THSD7B: variants seen among roughly 807,000 people sequenced by gnomAD.
The protein encoded by THSD7B is thrombospondin type-1 domain-containing protein 7B.
A neutral mutation model predicts 213.6 loss-of-function variants in THSD7B; 138 were observed. That is an observed-to-expected ratio of 0.65 (90% CI 0.56 to 0.74). The LOEUF (loss-of-function observed/expected upper bound fraction) is 0.74. Ranked by LOEUF, THSD7B falls within the 30% of genes least tolerant of loss-of-function variation. The probability of loss-of-function intolerance (pLI) is 0.00; values close to 1 mark genes in which losing one functional copy is unlikely to be tolerated. For synonymous variants in THSD7B, 742 were observed against 687.0 expected (o/e 1.08, Z -1.25); for missense variants, 1,931 against 1,991.5 (o/e 0.97, Z 0.58).
At position 136,859,372 on chromosome 2, in the gene THSD7B, G is replaced by A. The variant is rs115907064; in HGVS notation, c.-35-22772G>A. ...TTTTATGCATGTATCTGTTTTAAAAGCCACTTAACTAGAATTAAAAATTCT... is the reference window on the plus strand; with the variant it reads ...TTTTATGCATGTATCTGTTTTAAAAACCACTTAACTAGAATTAAAAATTCT... On this transcript the variant is annotated intron_variant, in intron 1 of 27. Transcript: ENST00000409968. Among the ~76,000 whole-genome samples, 502 of 152,270 alleles carry A rather than the reference G, an allele frequency of 3.3e-3. 3 individuals are homozygous for A. Among genetic ancestry groups the A allele is most frequent in the African/African-American group, 0.012 (480 of 41,554 alleles).
rs1256001043 is a variant in THSD7B, at chr2:137,356,955, CACACACACACAG to C, written c.2501-48646_2501-48635del. On this transcript the variant is annotated intron_variant, in intron 12 of 27. Transcript: ENST00000409968. ...CAAGACACACACACACATACACACACACACACACACAGACACACACACACACACACACACACA... is the reference window on the plus strand; with the variant it reads ...CAAGACACACACACACATACACACACACACACACACACACACACACACACA... Among the ~76,000 whole-genome samples the C allele has an allele frequency of 6.9e-3, 805 of 116,120 alleles. 3 individuals are homozygous for C. Among genetic ancestry groups the C allele is most frequent in the South Asian group, 0.015 (45 of 3,090 alleles). The allele number at this position is 116,120 out of a possible 152,430, so 76.2% of individuals were successfully genotyped here. A position where few individuals can be genotyped will look rare whatever the true frequency, so the allele number is the denominator to read the frequency against.
At chr2:136,837,429 A>G (rs1327829242) in intron 1 of THSD7B, among the ~76,000 whole-genome samples, 2 of 152,134 alleles carry the variant, frequency 1.3e-5, no homozygotes, top group African/African-American at 4.8e-5. Flanking sequence ...CATGCATGAC[A>G]TATTCCCCCT....
At position 137,643,059 on chromosome 2, in the gene THSD7B, G is replaced by A. The variant is rs115253405; in HGVS notation, c.3945+426G>A. On this transcript the variant is annotated intron_variant, in intron 21 of 27. Transcript: ENST00000409968. Reference sequence around the variant, plus strand: ...GGGTTAGACAAAATCTTGCATATGAGCAGAAAACCAAAAGTGTATGAAGTT... The same window carrying A: ...GGGTTAGACAAAATCTTGCATATGAACAGAAAACCAAAAGTGTATGAAGTT... 5.7e-3 allele frequency among the ~76,000 whole-genome samples: 865 copies of A among 152,284 alleles called. 5 individuals carry two copies. Among genetic ancestry groups the A allele is most frequent in the African/African-American group, 0.019 (804 of 41,558 alleles).
At chr2:137,011,926 C>A (rs1179801443) in intron 2 of THSD7B, among the ~76,000 whole-genome samples, 1 of 152,042 alleles carries the variant, frequency 6.6e-6, no homozygotes, top group Non-Finnish European at 1.5e-5. Flanking sequence ...ATTATAAATT[C>A]TTGGAAAGGA....
At chr2:137,306,796 T>G (rs1355447613) in intron 12 of THSD7B, among the ~76,000 whole-genome samples, 1 of 152,118 alleles carries the variant, frequency 6.6e-6, no homozygotes, top group East Asian at 1.9e-4. Flanking sequence ...GGTATGATTT[T>G]TAGCCATGTC....
At chr2:137,053,739 A>C (rs1253782492) in intron 2 of THSD7B, among the ~76,000 whole-genome samples, 2 of 152,188 alleles carry the variant, frequency 1.3e-5, no homozygotes, top group African/African-American at 4.8e-5. Flanking sequence ...TGCAAAAAAA[A>C]TCCTGAGTGG....
At chr2:137,554,322 A>T (rs535262258) in intron 15 of THSD7B, among the ~76,000 whole-genome samples, 1 of 152,200 alleles carries the variant, frequency 6.6e-6, no homozygotes, top group African/African-American at 2.4e-5. Flanking sequence ...AAAAATATGC[A>T]TCATGGAAAC....
At chr2:137,188,217 A>G (rs985833172) in intron 7 of THSD7B, among the ~76,000 whole-genome samples, 1 of 152,188 alleles carries the variant, frequency 6.6e-6, no homozygotes, top group Non-Finnish European at 1.5e-5. Context: ...TTACTTTTTC[A>G]AAGAGAGGTA....
In THSD7B at chr2:136,854,078, T is replaced by A. The variant is rs1314022388; in HGVS notation, c.-35-28066T>A. Among the ~76,000 whole-genome samples the A allele has an allele frequency of 3.3e-5, 5 of 152,338 alleles. No individual in the cohort carries two copies. In the East Asian group the frequency reaches 7.7e-4, roughly 24 times the overall value. On this transcript the variant is annotated intron_variant, in intron 1 of 27. Transcript: ENST00000409968. ...TATTAACTCAGCCTAGAATTAGCTA[T>A]TTATTCCTGGAGGATGGCATTTCAA...
intron 15 of THSD7B, among the ~76,000 whole-genome samples, chr2:137,546,245 G>A (rs1680705680): frequency 7.1e-6 from 1 of 141,628 alleles, no homozygotes; most frequent in South Asian, 2.2e-4. Context: ...GTGGGCAAAA[G>A]TTTTAGCTTC....
At chr2:137,289,791 GAAAAAAGAGAAA>G (rs939310477) in intron 12 of THSD7B, among the ~76,000 whole-genome samples, 22 of 150,824 alleles carry the variant, frequency 1.5e-4, no homozygotes, top group African/African-American at 5.1e-4. Flanking sequence ...CAATTATGAA[GAAAAAAGAGAAA>G]AAAAAAGAGT....
intron 1 of THSD7B, among the ~76,000 whole-genome samples, chr2:136,866,626 A>T (rs976245935): frequency 1.3e-5 from 2 of 152,242 alleles, no homozygotes; most frequent in Admixed American, 6.5e-5. Context: ...GTACCTAATT[A>T]TTCAGTAAGG....
At chr2:137,334,700 A>T (rs1684598217) in intron 12 of THSD7B, among the ~76,000 whole-genome samples, 1 of 152,170 alleles carries the variant, frequency 6.6e-6, no homozygotes, top group Non-Finnish European at 1.5e-5. Flanking sequence ...CCCATACAGG[A>T]GTGGTTAGAG....
rs201391756 is a variant in THSD7B, at chr2:136,794,127, A to G, written c.-36+28440A>G. Among the ~76,000 whole-genome samples, 7 of 151,066 alleles carry G rather than the reference A, an allele frequency of 4.6e-5. No individual in the cohort carries two copies. The East Asian group carries it at 9.8e-4, about 21-fold the overall frequency. The stretch of plus-strand genomic sequence containing the variant: ...TTTTTTTTTCTTGTTCAGCTTTGCT[A>G]TGTGAGACTAGACAAAAATTTTGCA... On this transcript the variant is annotated intron_variant, in intron 1 of 27. Coordinates refer to ENST00000409968, the MANE Select transcript of THSD7B (RefSeq NM_001316349.2).
intron 15 of THSD7B, among the ~76,000 whole-genome samples, chr2:137,548,701 T>G (rs1434456286): frequency 6.6e-6 from 1 of 152,052 alleles, no homozygotes; most frequent in African/African-American, 2.4e-5. Context: ...GTTTGCTTGA[T>G]TGATTAACAA....
intron 3 of THSD7B, among the ~76,000 whole-genome samples, chr2:137,065,651 G>A (rs1403749352): frequency 6.6e-6 from 1 of 150,454 alleles, no homozygotes; most frequent in Middle Eastern, 3.2e-3. Context: ...GATTTTAATG[G>A]AACATTTTAT....
intron 12 of THSD7B, among the ~76,000 whole-genome samples, chr2:137,288,200 T>G (rs1683229088): frequency 3.3e-5 from 5 of 152,028 alleles, no homozygotes; most frequent in Admixed American, 3.3e-4. Flanking sequence ...CTCTAAAAAC[T>G]AACAGAGGAG....
chr2:137,432,857 C>T (rs1415068406), intron 14 of THSD7B, among the ~76,000 whole-genome samples: 1 of 152,176 alleles, frequency 6.6e-6, no homozygotes, highest in Non-Finnish European at 1.5e-5. Context: ...TGTTTCTATA[C>T]TCTTACAGAA....
At chr2:137,381,081 C>T (rs1264648308) in intron 12 of THSD7B, among the ~76,000 whole-genome samples, 2 of 152,198 alleles carry the variant, frequency 1.3e-5, no homozygotes, top group East Asian at 3.9e-4. Context: ...TCAGTTAGAA[C>T]CTGACAATTG....
Sources: gnomAD v4.1 joint callset for allele counts (sites outside exome capture counted in the v4.1 genomes callset) on GRCh38, gnomAD v4.1.1 for gene constraint, MANE v1.5 for transcripts, NCBI Gene and HGNC (gene_info 2026-07-23, HGNC 2026-07-21) for gene names.